The following FAM174B variants were observed in gnomAD, a reference collection of about 807,000 sequenced individuals.
The protein encoded by FAM174B is family with sequence similarity 174 member B.
In FAM174B, 12 loss-of-function variants were observed where a neutral mutation model predicts 10.9. The observed-to-expected ratio is 1.10, with a 90% CI of 0.71 to 1.79. The LOEUF (loss-of-function observed/expected upper bound fraction) is 1.79. FAM174B is among the 40% of genes most tolerant of loss of function. The probability of loss-of-function intolerance (pLI) is 0.00; values close to 1 mark genes in which losing one functional copy is unlikely to be tolerated. For missense variants in FAM174B, 266 were observed against 233.3 expected (o/e 1.14, Z -0.91); for synonymous variants, 132 against 115.8 (o/e 1.14, Z -0.90).
intron 2 of FAM174B, among the ~76,000 whole-genome samples, chr15:92,622,940 G>C (rs991572478): frequency 6.6e-6 from 1 of 152,134 alleles, no homozygotes; most frequent in African/African-American, 2.4e-5. Context: ...CAGATCACTT[G>C]AGGTCAGGAG....
chr15:92,648,209 G>A (rs539822526), intron 1 of FAM174B, among the ~76,000 whole-genome samples: 4 of 152,276 alleles, frequency 2.6e-5, no homozygotes, highest in South Asian at 2.1e-4. Context: ...TCGGGCCCAC[G>A]TTCTCAGGAC....
chr15:92,632,615 TC>T (rs2050826607), intron 1 of FAM174B, among the ~76,000 whole-genome samples: 1 of 151,764 alleles, frequency 6.6e-6, no homozygotes, highest in South Asian at 2.1e-4. Flanking sequence ...GCTTAAGCAA[TC>T]CTTTCGCCTC....
chr15:92,618,946 C>T lies in FAM174B; in HGVS notation c.*510G>A, dbSNP rs2050699634. 3 of 545,824 alleles carry T rather than the reference C, an allele frequency of 5.5e-6. No homozygotes were observed. The highest frequency in any genetic ancestry group is 3.1e-5 in the East Asian group (1 of 31,834). The allele number at this position is 545,824 out of a possible 1,614,324, so 33.8% of individuals were successfully genotyped here. On this transcript the variant is annotated 3_prime_UTR_variant, in exon 3 of 3. Transcript: ENST00000327355. ...CCACCTTGAACTCTGACACAGGTAA[C>T]GCCAAAATGAGGCCAGGACCTGACC... is the stretch of plus-strand genomic sequence containing the variant.
intron 1 of FAM174B, 144 bp from the exon 2 acceptor site, chr15:92,630,489 T>C (rs1356024991): frequency 2.6e-6 from 2 of 778,972 alleles, no homozygotes; most frequent in Non-Finnish European, 4.0e-6. Flanking sequence ...GAGGATCTGA[T>C]GGAAGGCAAA....
At chr15:92,621,135 C>G (rs893718398) in intron 2 of FAM174B, among the ~76,000 whole-genome samples, 1 of 152,052 alleles carries the variant, frequency 6.6e-6, no homozygotes, top group Non-Finnish European at 1.5e-5. Flanking sequence ...CATAACTTAC[C>G]CTCTAATGGT....
At chr15:92,647,973 C>T (rs930410474) in intron 1 of FAM174B, among the ~76,000 whole-genome samples, 7 of 152,198 alleles carry the variant, frequency 4.6e-5, no homozygotes, top group African/African-American at 1.7e-4. Context: ...TATCTTAACT[C>T]AAGCATTCCT....
chr15:92,629,222 C>T (rs965744324), intron 2 of FAM174B, among the ~76,000 whole-genome samples: 1 of 152,190 alleles, frequency 6.6e-6, no homozygotes, highest in South Asian at 2.1e-4. Flanking sequence ...GGACTTTGGC[C>T]AAGCAATGCC....
At chr15:92,630,950 T>C (rs865854552) in intron 1 of FAM174B, among the ~76,000 whole-genome samples, 1,226 of 9,726 alleles carry the variant, frequency 0.13, 160 homozygotes, top group Admixed American at 0.31. Flanking sequence ...TTATATATTA[T>C]ATATTACGTA....
chr15:92,627,601 C>T (rs967512021), intron 2 of FAM174B, among the ~76,000 whole-genome samples: 1 of 152,138 alleles, frequency 6.6e-6, no homozygotes, highest in African/African-American at 2.4e-5. Context: ...TGTTTAGGGT[C>T]TTCTCTTATT....
chr15:92,642,725 C>G (rs1031111426), intron 1 of FAM174B, among the ~76,000 whole-genome samples: 1 of 152,182 alleles, frequency 6.6e-6, no homozygotes, highest in Non-Finnish European at 1.5e-5. Context: ...AAACCTCTTT[C>G]CTTCATAAAT....
chr15:92,655,394 G>A lies in FAM174B; in HGVS notation c.266C>T (p.Pro89Leu), dbSNP rs1007174038. Reference sequence around the variant, plus strand: ...CACGATCACGGCTGCCTTGAGGGTGGGTAGGTCGCGGAGGAGGATGGAAAT... The same window carrying A: ...CACGATCACGGCTGCCTTGAGGGTGAGTAGGTCGCGGAGGAGGATGGAAAT... ...TRISILLRDL[P>L]TLKAAVIVAF... is the part of the protein sequence containing the mutation. Residue 89 changes from proline to leucine, a missense_variant, in exon 1 of 3, where the codon CCC (proline) becomes CTC (leucine). Physicochemically the swap from Pro to Leu is moderately conservative, Grantham distance 98. Transcript: ENST00000327355. 6.3e-7 allele frequency: 1 copy of A among 1,595,266 alleles called. No homozygotes were observed. Among genetic ancestry groups the A allele is most frequent in the Admixed American group, 1.7e-5 (1 of 58,526 alleles).
intron 2 of FAM174B, among the ~76,000 whole-genome samples, chr15:92,626,843 G>A (rs1472232689): frequency 6.6e-6 from 1 of 152,114 alleles, no homozygotes; most frequent in East Asian, 1.9e-4. Context: ...ACGAGGTCAA[G>A]AGATCGAGAC....
rs1381384133 is a variant in FAM174B, at chr15:92,655,197, G to A, written c.344+119C>T. On this transcript the variant is annotated intron_variant, in intron 1 of 2. Coordinates refer to ENST00000327355, the MANE Select transcript of FAM174B (RefSeq NM_207446.3). ...CTCCCGGGCAGGGCAGGAGGCACAC[G>A]GCTGGCTGGGGCGCACCAGGGCACC... The A allele has an allele frequency of 8.0e-6, 11 of 1,367,962 alleles. No individual in the cohort carries two copies. The Admixed American group carries it at 1.8e-4, about 22-fold the overall frequency. The allele number at this position is 1,367,962 out of a possible 1,614,324, so 84.7% of individuals were successfully genotyped here.
intron 1 of FAM174B, among the ~76,000 whole-genome samples, chr15:92,644,688 CA>C (rs770724782): frequency 2.0e-5 from 3 of 152,182 alleles, no homozygotes; most frequent in Non-Finnish European, 4.4e-5. Flanking sequence ...GCCTTGTAGA[CA>C]AAAGAAACCA....
chr15:92,628,647 T>C (rs564775126), intron 2 of FAM174B, among the ~76,000 whole-genome samples: 1 of 152,122 alleles, frequency 6.6e-6, no homozygotes, highest in Non-Finnish European at 1.5e-5. Flanking sequence ...CTAATGGGAT[T>C]TTTCTCCCAT....
Position 92,640,674 on chromosome 15 carries a change from A to C in FAM174B, c.345-10329T>G, listed in dbSNP as rs376161831. 1.1e-4 allele frequency among the ~76,000 whole-genome samples: 16 copies of C among 151,698 alleles called. No individual in the cohort carries two copies. The East Asian group carries it at 1.7e-3, about 16-fold the overall frequency. ...TGGTTTTTGTTTTTTTTTAAGACAC[A>C]GTCTCACTCTGTCACCCAGGAGTGC... is the stretch of plus-strand genomic sequence containing the variant. On this transcript the variant is annotated intron_variant, in intron 1 of 2. Transcript: ENST00000327355.
At chr15:92,630,657 G>A (rs796924481) in intron 1 of FAM174B, among the ~76,000 whole-genome samples, 1 of 147,878 alleles carries the variant, frequency 6.8e-6, no homozygotes, top group African/African-American at 2.5e-5. Flanking sequence ...AACTCAGTAA[G>A]CAAGATAAAT....
At chr15:92,645,946 G>A (rs778026538) in intron 1 of FAM174B, among the ~76,000 whole-genome samples, 1 of 152,142 alleles carries the variant, frequency 6.6e-6, no homozygotes, top group Non-Finnish European at 1.5e-5. Flanking sequence ...GAGTTTTCAT[G>A]AGCAAGTTTC....
intron 2 of FAM174B, among the ~76,000 whole-genome samples, chr15:92,624,885 G>A (rs897552705): frequency 2.0e-5 from 3 of 152,206 alleles, no homozygotes; most frequent in African/African-American, 7.2e-5. Context: ...GGGAGGAAAA[G>A]CCCACATCTG....
Sources: gnomAD v4.1 joint callset for allele counts (sites outside exome capture counted in the v4.1 genomes callset) on GRCh38, gnomAD v4.1.1 for gene constraint, MANE v1.5 for transcripts, NCBI Gene and HGNC (gene_info 2026-07-23, HGNC 2026-07-21) for gene names.